The following USP28 variants were observed in gnomAD, a reference collection of about 807,000 sequenced individuals.
The protein encoded by USP28 is ubiquitin specific peptidase 28, also known as ubiquitin carboxyl-terminal hydrolase 28.
A neutral mutation model predicts 145.0 loss-of-function variants in USP28; 113 were observed. The ratio of observed to expected loss-of-function variants is 0.78; its 90% CI spans 0.67 to 0.91. The LOEUF is 0.91. Among genes scored for constraint, USP28 ranks in the 40% least tolerant of loss-of-function variants. The pLI is 0.00. For synonymous variants in USP28, 447 were observed against 450.9 expected (o/e 0.99, Z 0.11); for missense variants, 1,201 against 1,289.6 (o/e 0.93, Z 1.05).
chr11:113,857,274 A>G (rs927817904), intron 1 of USP28, among the ~76,000 whole-genome samples: 2 of 152,200 alleles, frequency 1.3e-5, no homozygotes, highest in Non-Finnish European at 2.9e-5. Flanking sequence ...AACACAGCAT[A>G]ATACATTTAT....
At chr11:113,859,917 C>T (rs952473130) in intron 1 of USP28, among the ~76,000 whole-genome samples, 1 of 152,046 alleles carries the variant, frequency 6.6e-6, no homozygotes, top group Admixed American at 6.5e-5. Flanking sequence ...AAACACAAAC[C>T]TTTACCAGGA....
At chr11:113,867,531 A>T (rs1216366286) in intron 1 of USP28, among the ~76,000 whole-genome samples, 1 of 151,886 alleles carries the variant, frequency 6.6e-6, no homozygotes, top group Non-Finnish European at 1.5e-5. Context: ...CCCCACTTTA[A>T]AATAATTTTA....
At chr11:113,872,507 T>A (rs181334110) in intron 1 of USP28, among the ~76,000 whole-genome samples, 117 of 151,560 alleles carry the variant, frequency 7.7e-4, no homozygotes, top group African/African-American at 2.8e-3. Flanking sequence ...AAAAATACTG[T>A]TTGCATTTGG....
intron 1 of USP28, among the ~76,000 whole-genome samples, chr11:113,854,938 T>C (rs1247915525): frequency 6.6e-6 from 1 of 152,242 alleles, no homozygotes; most frequent in Non-Finnish European, 1.5e-5. Flanking sequence ...TGGTAGGCAG[T>C]GCATTAAGTA....
At chr11:113,829,283 T>C in exon 10 of USP28, 1 of 1,614,120 alleles carries the variant, frequency 6.2e-7, no homozygotes, top group Non-Finnish European at 8.5e-7. Context: ...TCGTCTAAGT[T>C]GCGATAACCG....
intron 5 of USP28, among the ~76,000 whole-genome samples, chr11:113,839,021 C>A (rs1944897657): frequency 6.6e-6 from 1 of 152,182 alleles, no homozygotes; most frequent in African/African-American, 2.4e-5. Context: ...AGAGCCACTA[C>A]CCTCTAGTGA....
At chr11:113,861,080 C>A (rs1037081123) in intron 1 of USP28, among the ~76,000 whole-genome samples, 9 of 150,966 alleles carry the variant, frequency 6.0e-5, no homozygotes, top group Admixed American at 1.3e-4. Context: ...GATCGCACCA[C>A]TGCATTCCAC....
exon 18 of USP28, chr11:113,808,435 G>C (rs923854919): frequency 5.0e-6 from 8 of 1,613,748 alleles, no homozygotes; most frequent in Non-Finnish European, 6.8e-6. Context: ...GCTACTGAAG[G>C]CTCTGATAAA....
intron 11 of USP28, among the ~76,000 whole-genome samples, chr11:113,825,585 A>G (rs1943193719): frequency 2.6e-5 from 4 of 152,246 alleles, no homozygotes; most frequent in African/African-American, 9.6e-5. Context: ...GCCTAAAACT[A>G]GATACGTCAC....
rs544440392 is a variant in USP28 at position 113,835,527 on chromosome 11, A to G, written c.535-1192T>C. Among the ~76,000 whole-genome samples, 146 of 152,308 alleles carry G rather than the reference A, an allele frequency of 9.6e-4. No homozygotes were observed. The East Asian group carries it at 0.011, about 11-fold the overall frequency. On this transcript the variant is annotated intron_variant, in intron 5 of 24. Coordinates refer to ENST00000003302, the Ensembl canonical transcript of USP28. ...ATTCAGCCAACAGGGTGAGTGTTCA[A>G]CCGGACTGAAGTGTAAACCCAGGTC...
intron 18 of USP28, among the ~76,000 whole-genome samples, chr11:113,807,304 C>T (rs991537419): frequency 6.6e-6 from 1 of 152,074 alleles, no homozygotes; most frequent in South Asian, 2.1e-4. Flanking sequence ...GAACTCCCGA[C>T]CCGAGGTGAT....
At chr11:113,854,292 A>G in exon 2 of USP28, 1 of 1,614,174 alleles carries the variant, frequency 6.2e-7, no homozygotes, top group Non-Finnish European at 8.5e-7. Context: ...AGGGTCCTGA[A>G]TGCCTGTGAT....
At chr11:113,799,287 C>G (rs1300914491) in exon 25 of USP28, 2 of 1,614,064 alleles carry the variant, frequency 1.2e-6, no homozygotes, top group Non-Finnish European at 8.5e-7. Flanking sequence ...TCCATGACAG[C>G]TGCAAATCGG....
At chr11:113,834,208 G>A (rs184250972) in intron 6 of USP28, 41 bp downstream of exon 6, 72 of 1,492,396 alleles carry the variant, frequency 4.8e-5, no homozygotes, top group Admixed American at 2.3e-4. Context: ...GGGATGAAAG[G>A]GACTAAACAA....
At chr11:113,853,743 C>A (rs188873905) in intron 2 of USP28, among the ~76,000 whole-genome samples, 1 of 151,766 alleles carries the variant, frequency 6.6e-6, no homozygotes, top group African/African-American at 2.4e-5. Flanking sequence ...GGTGTGGTGG[C>A]GCATGCCTGT....
At chr11:113,836,020 G>A (rs762759254) in intron 5 of USP28, among the ~76,000 whole-genome samples, 101 of 152,280 alleles carry the variant, frequency 6.6e-4, no homozygotes, top group Non-Finnish European at 1.2e-3. Context: ...AGAGGTTGCC[G>A]TGAGCCGAGA....
chr11:113,827,504 T>TA (rs2135857634), intron 10 of USP28, 144 bp from the exon 11 acceptor site: 1 of 718,058 alleles, frequency 1.4e-6, no homozygotes, highest in Non-Finnish European at 2.1e-6. Flanking sequence ...AACTTTTTTT[T>TA]ATCCCAAACA....
chr11:113,845,084 C>T (rs1002844818), intron 3 of USP28, among the ~76,000 whole-genome samples: 4 of 148,062 alleles, frequency 2.7e-5, no homozygotes, highest in Admixed American at 2.0e-4. Context: ...TGCACAACTG[C>T]ACTCCAACCT....
At chr11:113,859,436 T>C (rs903112340) in intron 1 of USP28, 1 of 152,190 alleles carries the variant, frequency 6.6e-6, no homozygotes, top group Admixed American at 6.5e-5. Context: ...ATTCATGAAG[T>C]GTTCCATAAT....
Sources: gnomAD v4.1 joint callset for allele counts (sites outside exome capture counted in the v4.1 genomes callset) on GRCh38, gnomAD v4.1.1 for gene constraint, MANE v1.5 for transcripts, NCBI Gene and HGNC (gene_info 2026-07-23, HGNC 2026-07-21) for gene names.